The following ADGRL3 variants were observed in gnomAD, a reference collection of about 807,000 sequenced individuals.
ADGRL3 encodes the protein adhesion G protein-coupled receptor L3, also known as calcium-independent alpha-latrotoxin receptor 3.
Under a neutral mutation model 153.5 loss-of-function variants are expected in ADGRL3, and 62 were observed. The observed-to-expected ratio is 0.40, with a 90% CI of 0.33 to 0.50. The LOEUF (loss-of-function observed/expected upper bound fraction) is 0.50. Among genes scored for constraint, ADGRL3 ranks in the 20% least tolerant of loss-of-function variants. The pLI is 0.47. For missense variants in ADGRL3, 1,641 were observed against 1,859.4 expected (o/e 0.88, Z 2.16); for synonymous variants, 710 against 672.5 (o/e 1.06, Z -0.86).
chr4:61,289,989 T>C (rs1007904624), intron 1 of ADGRL3, among the ~76,000 whole-genome samples: 1 of 152,098 alleles, frequency 6.6e-6, no homozygotes, highest in African/African-American at 2.4e-5. Flanking sequence ...ATAATTTGAT[T>C]TGTGAATCTT....
rs540536298 is a variant in ADGRL3, at chr4:61,568,899, A to G, written c.260-18328A>G. 2.0e-5 allele frequency among the ~76,000 whole-genome samples: 3 copies of G among 152,248 alleles called. No homozygotes were observed. The East Asian group carries it at 5.8e-4, about 29-fold the overall frequency. ...GATGTTCACCTATCTTGCCTTTTCT[A>G]GAACAGTGGCTGTCTTCAATCTATG... On this transcript the variant is annotated intron_variant, in intron 4 of 26. Transcript: ENST00000683033.
At chr4:61,601,567 A>G (rs1048385286) in intron 5 of ADGRL3, among the ~76,000 whole-genome samples, 1 of 152,204 alleles carries the variant, frequency 6.6e-6, no homozygotes, top group Non-Finnish European at 1.5e-5. Context: ...CCAAATAACC[A>G]TGATTGGAAA....
At chr4:61,644,422 C>A (rs942013085) in intron 5 of ADGRL3, among the ~76,000 whole-genome samples, 3 of 152,074 alleles carry the variant, frequency 2.0e-5, no homozygotes, top group Admixed American at 6.6e-5. Context: ...CTCTTGTGGG[C>A]ATTTAGCGCT....
rs75762969 is a variant in ADGRL3, at chr4:61,359,405, A to T, written c.-239-23719A>T. 6.0e-3 allele frequency among the ~76,000 whole-genome samples: 910 copies of T among 152,244 alleles called. 9 individuals are homozygous for T. The highest frequency in any genetic ancestry group is 0.021 in the African/African-American group (860 of 41,540). ...CCTACCTACTTCTACCAGAATTAGG[A>T]TTTAGCCCCTTGTTGGCTGTCTGAT... On this transcript the variant is annotated intron_variant, in intron 1 of 26. Coordinates refer to ENST00000683033, the MANE Select transcript of ADGRL3 (RefSeq NM_001387552.1).
chr4:61,852,425 G>A (rs933217552), intron 9 of ADGRL3, among the ~76,000 whole-genome samples: 27 of 151,758 alleles, frequency 1.8e-4, no homozygotes, highest in Non-Finnish European at 3.5e-4. Flanking sequence ...AGCCATTCTC[G>A]TGCCTCAGCC....
intron 9 of ADGRL3, among the ~76,000 whole-genome samples, chr4:61,844,576 A>AATATATG (rs2098089494): frequency 1.3e-3 from 12 of 9,450 alleles, no homozygotes; most frequent in Non-Finnish European, 2.5e-3. Flanking sequence ...AAAAAAAAAA[A>AATATATG]TATATATATA....
chr4:61,910,903 T>C lies in ADGRL3; in HGVS notation c.2073+1158T>C, dbSNP rs75742248. On this transcript the variant is annotated intron_variant, in intron 12 of 26. Transcript: ENST00000683033. ...TATCTGGCAAACAGTTTTTTTTTTT[T>C]CCCCTGCAATTTCATCTGTAAAAAA... Among the ~76,000 whole-genome samples, 365 of 137,830 alleles carry C rather than the reference T, an allele frequency of 2.6e-3. 1 individual carries two copies. The highest frequency in any genetic ancestry group is 7.3e-3 in the African/African-American group (276 of 37,858). The allele number at this position is 137,830 out of a possible 152,430, so 90.4% of individuals were successfully genotyped here. A position where few individuals can be genotyped will look rare whatever the true frequency, so the allele number is the denominator to read the frequency against.
chr4:61,790,579 TTCTC>T (rs375896101), intron 8 of ADGRL3, among the ~76,000 whole-genome samples: 1 of 152,242 alleles, frequency 6.6e-6, no homozygotes, highest in African/African-American at 2.4e-5. Context: ...CTCTCACTCT[TTCTC>T]TCTGTTGAGA....
At chr4:61,291,593 T>C (rs2094208706) in intron 1 of ADGRL3, among the ~76,000 whole-genome samples, 3 of 12,962 alleles carry the variant, frequency 2.3e-4, no homozygotes, top group Non-Finnish European at 5.1e-4. Context: ...CATATATATA[T>C]ATATATATAT....
At chr4:61,520,682 G>GTGTGTGTGTGTGTGTGTCTGTC (rs763505931) in intron 4 of ADGRL3, among the ~76,000 whole-genome samples, 42 of 123,574 alleles carry the variant, frequency 3.4e-4, no homozygotes, top group East Asian at 7.9e-4. Flanking sequence ...GTGTGTGTGT[G>GTGTGTGTGTGTGTGTGTCTGTC]TGTCTGTCTG....
intron 2 of ADGRL3, among the ~76,000 whole-genome samples, chr4:61,395,597 T>G (rs1178588708): frequency 6.6e-6 from 1 of 151,976 alleles, no homozygotes; most frequent in Non-Finnish European, 1.5e-5. Context: ...CACTATTATA[T>G]GTTAATTTTA....
At chr4:61,862,097 G>A (rs1333485262) in intron 9 of ADGRL3, among the ~76,000 whole-genome samples, 1 of 152,196 alleles carries the variant, frequency 6.6e-6, no homozygotes, top group African/African-American at 2.4e-5. Flanking sequence ...GATTGTAGAA[G>A]AAAGGAATTA....
chr4:62,024,457 T>C (rs558833743), intron 21 of ADGRL3, among the ~76,000 whole-genome samples: 1 of 152,148 alleles, frequency 6.6e-6, no homozygotes, highest in Admixed American at 6.6e-5. Context: ...CTTTTGGTAG[T>C]AATACTTAAA....
chr4:61,352,023 C>A (rs6850457), intron 1 of ADGRL3, among the ~76,000 whole-genome samples: 4,138 of 152,202 alleles, frequency 0.027, 171 homozygotes, highest in African/African-American at 0.092. Flanking sequence ...TGAAAACCTT[C>A]TAGAAAGGAT....
intron 5 of ADGRL3, among the ~76,000 whole-genome samples, chr4:61,666,660 A>C (rs1337906958): frequency 6.6e-6 from 1 of 152,166 alleles, no homozygotes; most frequent in Non-Finnish European, 1.5e-5. Context: ...AAGAGAAATA[A>C]AGTAGTATAT....
intron 8 of ADGRL3, among the ~76,000 whole-genome samples, chr4:61,804,344 A>G (rs2097531349): frequency 1.3e-5 from 2 of 152,162 alleles, no homozygotes; most frequent in African/African-American, 4.8e-5. Context: ...CTCCTGACAG[A>G]TCCTCTCACA....
rs186818498 is a variant in ADGRL3, at chr4:61,446,588, C to T, written c.-173-50533C>T. On this transcript the variant is annotated intron_variant, in intron 2 of 26. Transcript: ENST00000683033. ...CGATACTAGTTAATGGTCTGTCTGG[C>T]GCCATGTTGCCTTGATTGTCCAGGT... Among the ~76,000 whole-genome samples, 9 of 152,178 alleles carry T rather than the reference C, an allele frequency of 5.9e-5. No homozygotes were observed. In the East Asian group the frequency reaches 9.7e-4, roughly 16 times the overall value.
chr4:62,037,682 T>C, intron 23 of ADGRL3, 49 bp from the exon 24 acceptor site: 1 of 1,607,806 alleles, frequency 6.2e-7, no homozygotes, highest in Non-Finnish European at 8.5e-7. Flanking sequence ...CTTTTGTTCC[T>C]ACCTGCAATG....
chr4:61,463,647 G>A (rs2097848837), intron 2 of ADGRL3, among the ~76,000 whole-genome samples: 1 of 151,746 alleles, frequency 6.6e-6, no homozygotes, highest in Admixed American at 6.6e-5. Flanking sequence ...CTACTTTAAG[G>A]GCACAACACT....
Sources: gnomAD v4.1 joint callset for allele counts (sites outside exome capture counted in the v4.1 genomes callset) on GRCh38, gnomAD v4.1.1 for gene constraint, MANE v1.5 for transcripts, NCBI Gene and HGNC (gene_info 2026-07-23, HGNC 2026-07-21) for gene names.